The following INTS8 variants were observed in gnomAD, a reference collection of about 807,000 sequenced individuals.
The protein encoded by INTS8 is integrator complex subunit 8.
In INTS8, 47 loss-of-function variants were observed where a neutral mutation model predicts 138.9. The ratio of observed to expected loss-of-function variants is 0.34; its 90% CI spans 0.27 to 0.43. The LOEUF (loss-of-function observed/expected upper bound fraction) is 0.43. Ranked by LOEUF, INTS8 falls within the 20% of genes least tolerant of loss-of-function variation. INTS8 has a pLI of 1.00. For missense variants in INTS8, 996 were observed against 1,173.0 expected (o/e 0.85, Z 2.20); for synonymous variants, 392 against 400.9 (o/e 0.98, Z 0.27).
At chr8:94,848,444 C>T (rs1187021006) in intron 10 of INTS8, among the ~76,000 whole-genome samples, 5 of 152,104 alleles carry the variant, frequency 3.3e-5, no homozygotes, top group Non-Finnish European at 7.3e-5. Context: ...CCTTTTTTCA[C>T]TCCAAAAAGA....
intron 20 of INTS8, among the ~76,000 whole-genome samples, chr8:94,871,230 G>T (rs1371541397): frequency 6.6e-6 from 1 of 151,914 alleles, no homozygotes; most frequent in East Asian, 1.9e-4. Context: ...GCACCGGGAG[G>T]CTGAGATGGG....
At chr8:94,828,079 G>A (rs922497538) in intron 4 of INTS8, among the ~76,000 whole-genome samples, 44 of 148,200 alleles carry the variant, frequency 3.0e-4, no homozygotes, top group Middle Eastern at 3.4e-3. Flanking sequence ...TCACTCTGTC[G>A]CCCAGGCTGG....
chr8:94,867,461 G>T, intron 20 of INTS8, 124 bp downstream of exon 20: 10 of 635,268 alleles, frequency 1.6e-5, no homozygotes, highest in Non-Finnish European at 5.4e-6. Flanking sequence ...TACAGTCTTT[G>T]TGTTTCTCTA....
chr8:94,868,068 GAACTA>G lies in INTS8; in HGVS notation c.2414+741_2414+745del, dbSNP rs1462056717. ...TCCCAATCTCTTTTAGTTGCTGTAG[GAACTA>G]AACTAAACTTCTTTAATTACTTTGA... On this transcript the variant is annotated intron_variant, in intron 20 of 26. Coordinates refer to ENST00000523731, the MANE Select transcript of INTS8 (RefSeq NM_017864.4). Among the ~76,000 whole-genome samples the G allele has an allele frequency of 5.3e-5, 8 of 152,096 alleles. No individual in the cohort carries two copies. The East Asian group carries it at 7.7e-4, about 15-fold the overall frequency.
chr8:94,833,002 A>G (rs1177138895), intron 6 of INTS8, among the ~76,000 whole-genome samples: 1 of 151,702 alleles, frequency 6.6e-6, no homozygotes, highest in African/African-American at 2.4e-5. Flanking sequence ...TCCCTACTGG[A>G]TTATAACTCT....
At chr8:94,842,321 A>C in intron 9 of INTS8, 26 bp from the exon 10 acceptor site, 1 of 1,469,660 alleles carries the variant, frequency 6.8e-7, no homozygotes, top group Non-Finnish European at 9.3e-7. Flanking sequence ...AAATAACATT[A>C]GTTGATCTAC....
intron 5 of INTS8, among the ~76,000 whole-genome samples, chr8:94,829,479 A>G (rs184694149): frequency 1.0e-3 from 153 of 152,266 alleles, no homozygotes; most frequent in African/African-American, 3.6e-3. Flanking sequence ...AGCTCAGGCC[A>G]TAATGCGAGC....
At chr8:94,843,733 T>C (rs977251178) in intron 10 of INTS8, among the ~76,000 whole-genome samples, 9 of 152,078 alleles carry the variant, frequency 5.9e-5, no homozygotes, top group Non-Finnish European at 8.8e-5. Flanking sequence ...TACATATATC[T>C]AGGTGTGCAT....
intron 11 of INTS8, among the ~76,000 whole-genome samples, 167 bp from the exon 12 acceptor site, chr8:94,849,749 T>C (rs1241142855): frequency 6.6e-6 from 1 of 152,186 alleles, no homozygotes; most frequent in African/African-American, 2.4e-5. Context: ...GACATCACAA[T>C]TTTAAATAAG....
chr8:94,845,636 T>G (rs530486447), intron 10 of INTS8, among the ~76,000 whole-genome samples: 3 of 152,276 alleles, frequency 2.0e-5, no homozygotes, highest in African/African-American at 7.2e-5. Flanking sequence ...CTTATTTTTG[T>G]ATTTTTAGTA....
At chr8:94,879,531 G>C (rs1012469998) in intron 26 of INTS8, among the ~76,000 whole-genome samples, 1 of 151,626 alleles carries the variant, frequency 6.6e-6, no homozygotes, top group Non-Finnish European at 1.5e-5. Flanking sequence ...GGAGGCAAAG[G>C]CTGTAGTGAG....
At chr8:94,851,528 C>G (rs779193649) in intron 12 of INTS8, 25 bp from the exon 13 acceptor site, 1 of 1,488,940 alleles carries the variant, frequency 6.7e-7, no homozygotes, top group Admixed American at 2.3e-5. Context: ...TGAATTAAAT[C>G]ATTGAAATAT....
chr8:94,827,834 T>C (rs746351637), intron 4 of INTS8, 41 bp downstream of exon 4: 6 of 1,485,944 alleles, frequency 4.0e-6, no homozygotes, highest in South Asian at 2.3e-5. Flanking sequence ...ACTTTTTTCA[T>C]TGGAGTTTTA....
intron 2 of INTS8, among the ~76,000 whole-genome samples, chr8:94,826,019 C>T (rs1040676345): frequency 5.3e-5 from 8 of 152,212 alleles, no homozygotes; most frequent in South Asian, 2.1e-4. Flanking sequence ...CCTTAATTGA[C>T]AGTCATTTAG....
chr8:94,830,775 T>C (rs1814683966), intron 5 of INTS8, among the ~76,000 whole-genome samples: 1 of 152,108 alleles, frequency 6.6e-6, no homozygotes, highest in African/African-American at 2.4e-5. Context: ...TGGTATTACA[T>C]ATATGAGTCA....
At chr8:94,839,949 T>TG (rs1479771415) in intron 8 of INTS8, among the ~76,000 whole-genome samples, 1 of 152,158 alleles carries the variant, frequency 6.6e-6, no homozygotes, top group Non-Finnish European at 1.5e-5. Flanking sequence ...GTAAGACCTG[T>TG]GCCAACAAGA....
intron 1 of INTS8, 92 bp from the exon 2 acceptor site, chr8:94,824,791 CCCCCCACCCA>C (rs200797517): frequency 0.014 from 1,397 of 97,944 alleles, 86 homozygotes; most frequent in African/African-American, 0.025. Flanking sequence ...AACTCCCCCC[CCCCCCACCCA>C]CCCCCCCAAA....
chr8:94,843,721 T>C (rs1422876789), intron 10 of INTS8, among the ~76,000 whole-genome samples: 1 of 147,222 alleles, frequency 6.8e-6, no homozygotes, highest in Non-Finnish European at 1.5e-5. Context: ...GGAACATACT[T>C]GTACATATAT....
chr8:94,881,391 C>A lies in INTS8; in HGVS notation c.*1157C>A, dbSNP rs1444252993. 2 of 522,664 alleles carry A rather than the reference C, an allele frequency of 3.8e-6. No individual in the cohort carries two copies. Among genetic ancestry groups the A allele is most frequent in the Admixed American group, 3.6e-5 (1 of 27,798 alleles). 32.4% of individuals were successfully genotyped at this position (522,664 alleles called of 1,614,324 possible). On this transcript the variant is annotated 3_prime_UTR_variant, in exon 27 of 27. Transcript: ENST00000523731. ...ACTGTGGTTGGCTTCTATCCAGTAACCTTGGGAATGAAGACATCTTTGTAA... is the reference window on the plus strand; with the variant it reads ...ACTGTGGTTGGCTTCTATCCAGTAAACTTGGGAATGAAGACATCTTTGTAA...
Sources: allele counts gnomAD v4.1 joint callset (sites outside exome capture counted in the v4.1 genomes callset), GRCh38; gene constraint gnomAD v4.1.1; transcripts MANE v1.5; gene names NCBI Gene and HGNC (gene_info 2026-07-23, HGNC 2026-07-21).